The following ASB15 variants were observed in gnomAD, a reference collection of about 807,000 sequenced individuals.
The protein encoded by ASB15 is ankyrin repeat and SOCS box containing 15, also known as ankyrin repeat and SOCS box protein 15.
In ASB15, 54 loss-of-function variants were observed where a neutral mutation model predicts 58.0. The observed-to-expected ratio is 0.93, with a 90% CI of 0.75 to 1.17. The LOEUF is 1.17. Ranked by LOEUF, ASB15 falls within the 50% of genes most tolerant of loss-of-function variation. The pLI is 0.00. For missense variants in ASB15, 680 were observed against 707.4 expected (o/e 0.96, Z 0.44); for synonymous variants, 249 against 262.4 (o/e 0.95, Z 0.50).
intron 1 of ASB15, among the ~76,000 whole-genome samples, chr7:123,569,530 T>C (rs1798850025): frequency 6.6e-6 from 1 of 152,182 alleles, no homozygotes; most frequent in Non-Finnish European, 1.5e-5. Context: ...TGAGATTGAC[T>C]TAAGAGACCA....
upstream of ASB15, chr7:123,599,026 G>A (rs1799790263): frequency 6.6e-6 from 1 of 152,116 alleles, no homozygotes; most frequent in Non-Finnish European, 1.5e-5. Context: ...TTTATTTTAT[G>A]TTTTTATATT....
chr7:123,574,817 A>C (rs1799018603), intron 1 of ASB15, among the ~76,000 whole-genome samples: 1 of 152,088 alleles, frequency 6.6e-6, no homozygotes, highest in African/African-American at 2.4e-5. Context: ...ACACATCTTT[A>C]AGTAGTTCCA....
upstream of ASB15, among the ~76,000 whole-genome samples, chr7:123,600,152 T>C (rs1160314952): frequency 1.3e-5 from 2 of 152,138 alleles, no homozygotes; most frequent in Admixed American, 6.6e-5. Context: ...ATCACTCCCA[T>C]ACTACAGATA....
chr7:123,624,722 A>G lies in ASB15; in HGVS notation c.605A>G (p.Asn202Ser). 1 of 1,614,206 alleles carries G rather than the reference A, an allele frequency of 6.2e-7. No homozygotes were observed. The highest frequency in any genetic ancestry group is 8.5e-7 in the Non-Finnish European group (1 of 1,180,022). Residue 202 changes from asparagine to serine, a missense_variant, in exon 8 of 12, where the codon AAT (asparagine) becomes AGT (serine). By Grantham distance (46) the Asn-to-Ser change is conservative. Transcript: ENST00000451215. ...IVALLLKHGG[N>S]VHLRDGFGVT... ...GCTCTGCTGCTGAAACATGGAGGCA[A>G]TGTCCACCTGAGAGATGGATTTGGA...
rs764821564 is a variant in ASB15 at position 123,616,208 on chromosome 7, C to A, written c.108-13C>A. On this transcript the variant is annotated splice_polypyrimidine_tract_variant and intron_variant, in intron 4 of 11. Transcript: ENST00000451215. Reference sequence around the variant, plus strand: ...AGTATCTAGTATAAATATTATTTTTCTTTATCTCATAGATTTGTACCCCTA... The same window carrying A: ...AGTATCTAGTATAAATATTATTTTTATTTATCTCATAGATTTGTACCCCTA... 5 of 1,568,192 alleles carry A rather than the reference C, an allele frequency of 3.2e-6. No homozygotes were observed. Among genetic ancestry groups the A allele is most frequent in the African/African-American group, 1.4e-5 (1 of 73,650 alleles).
At chr7:123,586,725 T>C (rs989100137) in intron 1 of ASB15, among the ~76,000 whole-genome samples, 1 of 151,716 alleles carries the variant, frequency 6.6e-6, no homozygotes, top group Non-Finnish European at 1.5e-5. Flanking sequence ...TTTCAGTTAA[T>C]TTTTGTATAT....
At chr7:123,585,652 TG>T (rs1799356550) in intron 1 of ASB15, among the ~76,000 whole-genome samples, 1 of 151,752 alleles carries the variant, frequency 6.6e-6, no homozygotes, top group Non-Finnish European at 1.5e-5. Context: ...TGTGTGTGTG[TG>T]TGTGTGTGTG....
At chr7:123,629,628 T>C (rs1030958063) in intron 10 of ASB15, among the ~76,000 whole-genome samples, 194 bp downstream of exon 10, 2 of 151,452 alleles carry the variant, frequency 1.3e-5, no homozygotes, top group Non-Finnish European at 1.5e-5. Context: ...CAAAAATATG[T>C]TGTTTGTTTT....
At chr7:123,619,575 G>A (rs535227397) in intron 7 of ASB15, among the ~76,000 whole-genome samples, 1 of 152,096 alleles carries the variant, frequency 6.6e-6, no homozygotes, top group African/African-American at 2.4e-5. Context: ...CCAGGCTGGA[G>A]TGCAGTGGCG....
chr7:123,588,989 A>T (rs1799454081), intron 1 of ASB15, among the ~76,000 whole-genome samples: 1 of 151,798 alleles, frequency 6.6e-6, no homozygotes, highest in South Asian at 2.1e-4. Context: ...GCCTAACATG[A>T]TCTATCCTGG....
intron 6 of ASB15, among the ~76,000 whole-genome samples, chr7:123,616,882 A>G (rs1323845044): frequency 2.6e-5 from 4 of 152,198 alleles, no homozygotes; most frequent in Non-Finnish European, 5.9e-5. Flanking sequence ...AGATTCTTAT[A>G]TAGTACAACA....
At chr7:123,611,928 C>T (rs1800487595) in intron 3 of ASB15, among the ~76,000 whole-genome samples, 1 of 151,526 alleles carries the variant, frequency 6.6e-6, no homozygotes, top group Non-Finnish European at 1.5e-5. Context: ...ATTAGAGATA[C>T]CAAACAGGAA....
At chr7:123,597,309 T>C (rs562092049), upstream of ASB15, among the ~76,000 whole-genome samples, 3 of 152,282 alleles carry the variant, frequency 2.0e-5, no homozygotes, top group African/African-American at 7.2e-5. Context: ...GGTATCACAG[T>C]GTTTGTGTTC....
At chr7:123,628,660 A>C (rs1431209278) in intron 9 of ASB15, among the ~76,000 whole-genome samples, 1 of 152,242 alleles carries the variant, frequency 6.6e-6, no homozygotes, top group Non-Finnish European at 1.5e-5. Context: ...TTTAGAACAA[A>C]AAGCTAAATC....
intron 1 of ASB15, among the ~76,000 whole-genome samples, chr7:123,594,774 T>C (rs1166328660): frequency 6.6e-6 from 1 of 152,200 alleles, no homozygotes; most frequent in Non-Finnish European, 1.5e-5. Flanking sequence ...CTGTCCATTA[T>C]TGGATCTCAA....
At chr7:123,593,106 T>TA (rs1799588056) in intron 1 of ASB15, among the ~76,000 whole-genome samples, 2 of 152,160 alleles carry the variant, frequency 1.3e-5, no homozygotes, top group Non-Finnish European at 2.9e-5. Context: ...TGCTTTTTTT[T>TA]TACTTTCCAT....
In ASB15 at chr7:123,627,279, T is replaced by A. The variant is rs772698531; in HGVS notation, c.867T>A (p.Tyr289Ter). The change falls in exon 9 of 12, where the codon TAT (tyrosine) becomes TAA (stop). Residue 289 changes from tyrosine (Y) to a stop codon, truncating the protein, a stop_gained and splice_region_variant. Transcript: ENST00000451215. LOFTEE classifies it high-confidence loss of function. ...ACCGAGCTGCCTATGAGGGGCATTA[T>A]CTGTGAGTGATAAATTATAGGGTAA... ...PIHRAAYEGH[Y>*]LALKYLIPVT... 12 of 1,609,744 alleles carry A rather than the reference T, an allele frequency of 7.5e-6. No individual in the cohort carries two copies. Among genetic ancestry groups the A allele is most frequent in the Non-Finnish European group, 5.1e-6 (6 of 1,176,312 alleles).
intron 6 of ASB15, 102 bp downstream of exon 6, chr7:123,616,597 A>T: frequency 9.5e-6 from 12 of 1,261,806 alleles, no homozygotes; most frequent in Non-Finnish European, 1.3e-5. Context: ...AAGAAAAGGC[A>T]GATTAAAATA....
At chr7:123,591,821 G>A (rs1327149963) in intron 1 of ASB15, among the ~76,000 whole-genome samples, 3 of 152,152 alleles carry the variant, frequency 2.0e-5, no homozygotes, top group Non-Finnish European at 2.9e-5. Context: ...CATAAAATGA[G>A]TTAGGGAAGA....
Sources: allele counts gnomAD v4.1 joint callset (sites outside exome capture counted in the v4.1 genomes callset), GRCh38; gene constraint gnomAD v4.1.1; transcripts MANE v1.5; gene names NCBI Gene and HGNC (gene_info 2026-07-23, HGNC 2026-07-21).